Variants in RPS6KA3 observed in about 807,000 individuals in gnomAD.
The protein encoded by RPS6KA3 is ribosomal protein S6 kinase A3.
RPS6KA3 carries 4 observed loss-of-function variants against 67.2 expected under a neutral mutation model. The observed-to-expected ratio is 0.06, with a 90% CI of 0.03 to 0.14. RPS6KA3 has a LOEUF of 0.14. RPS6KA3 is among the 10% of genes least tolerant of loss of function. RPS6KA3 has a pLI of 1.00. For synonymous variants in RPS6KA3, 182 were observed against 183.7 expected (o/e 0.99, Z 0.07); for missense variants, 204 against 559.0 (o/e 0.36, Z 6.40).
chrX:20,259,378 G>A (rs959820645), intron 1 of RPS6KA3, among the ~76,000 whole-genome samples: 1 of 111,302 alleles, frequency 9.0e-6, no homozygotes, highest in Non-Finnish European at 1.9e-5. Flanking sequence ...ATATTAAGTA[G>A]AATATGACCA....
chrX:20,188,273 A>C (rs1808395514), intron 8 of RPS6KA3, among the ~76,000 whole-genome samples: 1 of 110,886 alleles, frequency 9.0e-6, no homozygotes, highest in African/African-American at 3.3e-5. Context: ...ACAGGGTTTC[A>C]CCATGTTAGC....
intron 2 of RPS6KA3, among the ~76,000 whole-genome samples, chrX:20,211,498 G>C (rs969544461): frequency 2.8e-5 from 3 of 106,962 alleles, no homozygotes; most frequent in African/African-American, 1.0e-4. Context: ...CAGTTGATTA[G>C]AGCAGTGTTC....
intron 1 of RPS6KA3, among the ~76,000 whole-genome samples, 162 bp downstream of exon 1, chrX:20,266,402 G>A (rs1403745920): frequency 9.0e-6 from 1 of 111,551 alleles, no homozygotes; most frequent in East Asian, 2.8e-4. Context: ...CAGACAGACC[G>A]GCCAATAGAC....
chrX:20,240,187 C>T (rs2069514157), intron 1 of RPS6KA3, among the ~76,000 whole-genome samples: 1 of 101,094 alleles, frequency 9.9e-6, no homozygotes, highest in South Asian at 4.5e-4. Flanking sequence ...GAGAGAGTAA[C>T]AATCTGAAAT....
chrX:20,183,553 G>A (rs759674842), intron 10 of RPS6KA3, among the ~76,000 whole-genome samples: 1 of 111,494 alleles, frequency 9.0e-6, no homozygotes, highest in East Asian at 2.8e-4. Context: ...ATTCCCAATG[G>A]TCGCAAATTA....
At chrX:20,235,064 C>T (rs1345947010) in intron 1 of RPS6KA3, among the ~76,000 whole-genome samples, 2 of 111,591 alleles carry the variant, frequency 1.8e-5, no homozygotes, top group Non-Finnish European at 3.8e-5. Flanking sequence ...TACCTTTCCA[C>T]GTGAACCCTT....
chrX:20,238,883 C>A (rs1047659426), intron 1 of RPS6KA3, among the ~76,000 whole-genome samples: 1 of 111,358 alleles, frequency 9.0e-6, no homozygotes, highest in Non-Finnish European at 1.9e-5. Flanking sequence ...CACAGAGTTA[C>A]TTCTACAGTT....
In RPS6KA3 at chrX:20,150,837, C is replaced by T. The variant is rs1227730989; in HGVS notation, c.*4561G>A. ...AACTTAAATCTCTACATTTTCCTTT[C>T]CACTAATCTCTATTCAAAATGTCAT... On this transcript the variant is annotated 3_prime_UTR_variant, in exon 22 of 22. Coordinates refer to ENST00000379565, the MANE Select transcript of RPS6KA3 (RefSeq NM_004586.3). 2.7e-5 allele frequency: 3 copies of T among 112,196 alleles called. No homozygotes were observed. The highest frequency in any genetic ancestry group is 5.6e-5 in the Non-Finnish European group (3 of 53,155). 9.2% of individuals were successfully genotyped at this position (112,196 alleles called of 1,213,427 possible). A position where few individuals can be genotyped will look rare whatever the true frequency, so the allele number is the denominator to read the frequency against.
chrX:20,251,422 G>GT (rs2069863213), intron 1 of RPS6KA3, among the ~76,000 whole-genome samples: 1 of 112,913 alleles, frequency 8.9e-6, no homozygotes, highest in Non-Finnish European at 1.9e-5. Flanking sequence ...GATTATAGGC[G>GT]TAAGCCCCTC....
intron 10 of RPS6KA3, among the ~76,000 whole-genome samples, chrX:20,182,350 A>T (rs1344385763): frequency 9.0e-6 from 1 of 111,578 alleles, no homozygotes; most frequent in Non-Finnish European, 1.9e-5. Flanking sequence ...TTCTTGTGAG[A>T]TTTATCTAAG....
At chrX:20,191,568 T>C (rs1410298586) in intron 7 of RPS6KA3, among the ~76,000 whole-genome samples, 1 of 111,544 alleles carries the variant, frequency 9.0e-6, no homozygotes, top group Non-Finnish European at 1.9e-5. Flanking sequence ...CCATTCTAAC[T>C]GGCGTGAGAT....
intron 8 of RPS6KA3, 25 bp downstream of exon 8, chrX:20,188,472 A>G (rs758849092): frequency 6.8e-6 from 6 of 883,572 alleles, no homozygotes; most frequent in Non-Finnish European, 9.9e-6. Context: ...AAAATATTTT[A>G]ATAAAACGAG....
At chrX:20,214,901 C>T (rs1260817481) in intron 2 of RPS6KA3, among the ~76,000 whole-genome samples, 2 of 100,857 alleles carry the variant, frequency 2.0e-5, no homozygotes, top group Admixed American at 1.1e-4. Flanking sequence ...TGCAATGGTG[C>T]GATCTCAGCT....
At chrX:20,186,515 C>T (rs755041333) in intron 9 of RPS6KA3, 149 bp from the exon 10 acceptor site, 64 of 431,419 alleles carry the variant, frequency 1.5e-4, no homozygotes, top group African/African-American at 1.1e-3. Context: ...CTACCATATT[C>T]GTTACTGAAG....
intron 1 of RPS6KA3, among the ~76,000 whole-genome samples, chrX:20,239,564 T>G (rs1265632425): frequency 8.9e-6 from 1 of 111,909 alleles, no homozygotes; most frequent in African/African-American, 3.2e-5. Context: ...GCAGATTGTA[T>G]ATATGCAAAT....
At chrX:20,257,338 A>T (rs917691997) in intron 1 of RPS6KA3, among the ~76,000 whole-genome samples, 2 of 112,375 alleles carry the variant, frequency 1.8e-5, no homozygotes, top group Non-Finnish European at 3.8e-5. Flanking sequence ...TAAAATTAGC[A>T]GAGAGTAGAG....
chrX:20,207,175 T>C (rs1356720945), intron 3 of RPS6KA3, among the ~76,000 whole-genome samples: 1 of 112,068 alleles, frequency 8.9e-6, no homozygotes, highest in Non-Finnish European at 1.9e-5. Context: ...GGTGGTAGCA[T>C]ATTCTCAAGG....
chrX:20,180,319 T>C (rs780111410), intron 10 of RPS6KA3, among the ~76,000 whole-genome samples: 153 of 110,708 alleles, frequency 1.4e-3, no homozygotes, highest in Admixed American at 2.6e-3. Flanking sequence ...CCACACGGTA[T>C]TAGCTGTGAA....
At chrX:20,259,651 C>T (rs1237390571) in intron 1 of RPS6KA3, among the ~76,000 whole-genome samples, 3 of 111,318 alleles carry the variant, frequency 2.7e-5, no homozygotes, top group Non-Finnish European at 5.7e-5. Flanking sequence ...CTGCAAAGCA[C>T]TTTGTGTCCA....
Sources: gnomAD v4.1 joint callset for allele counts (sites outside exome capture counted in the v4.1 genomes callset) on GRCh38, gnomAD v4.1.1 for gene constraint, MANE v1.5 for transcripts, NCBI Gene and HGNC (gene_info 2026-07-23, HGNC 2026-07-21) for gene names.